PTPRZ1: variants seen among roughly 807,000 people sequenced by gnomAD.
PTPRZ1 encodes receptor-type tyrosine-protein phosphatase zeta.
PTPRZ1 carries 82 observed loss-of-function variants against 214.1 expected under a neutral mutation model. That is an observed-to-expected ratio of 0.38 (90% CI 0.32 to 0.46). PTPRZ1 has a LOEUF of 0.46. Among genes scored for constraint, PTPRZ1 ranks in the 20% least tolerant of loss-of-function variants. PTPRZ1 has a pLI of 1.00. For missense variants in PTPRZ1, 2,603 were observed against 2,748.7 expected (o/e 0.95, Z 1.19); for synonymous variants, 945 against 987.9 (o/e 0.96, Z 0.81).
chr7:122,021,093 C>G (rs1186139897), intron 13 of PTPRZ1, among the ~76,000 whole-genome samples: 1 of 152,038 alleles, frequency 6.6e-6, no homozygotes, highest in East Asian at 1.9e-4. Context: ...ACCAATTCTG[C>G]TTCATAGTAA....
At chr7:121,965,194 G>A (rs1015422475) in intron 2 of PTPRZ1, among the ~76,000 whole-genome samples, 6 of 152,164 alleles carry the variant, frequency 3.9e-5, no homozygotes, top group African/African-American at 1.4e-4. Flanking sequence ...AGCTGAGGAG[G>A]AAGGGCTGCT....
intron 2 of PTPRZ1, among the ~76,000 whole-genome samples, chr7:121,929,603 C>T (rs778984135): frequency 1.5e-4 from 22 of 150,538 alleles, no homozygotes; most frequent in African/African-American, 3.2e-4. Flanking sequence ...GTCAGGAGTT[C>T]GAGATCAGCC....
chr7:122,000,146 C>G (rs181746017), intron 10 of PTPRZ1, among the ~76,000 whole-genome samples: 21 of 152,214 alleles, frequency 1.4e-4, no homozygotes, highest in Admixed American at 1.0e-3. Flanking sequence ...ATTCCTGCAT[C>G]AAAAACCTGT....
intron 10 of PTPRZ1, among the ~76,000 whole-genome samples, chr7:121,999,252 T>C (rs986075539): frequency 4.6e-5 from 7 of 152,238 alleles, no homozygotes; most frequent in African/African-American, 1.7e-4. Flanking sequence ...TCTTTCTTAT[T>C]GCCTTTATTT....
chr7:121,895,541 G>A (rs916125739), intron 1 of PTPRZ1, among the ~76,000 whole-genome samples: 5 of 152,054 alleles, frequency 3.3e-5, no homozygotes, highest in Non-Finnish European at 5.9e-5. Flanking sequence ...AGAAAGTAAA[G>A]ATTTTGTTTA....
At chr7:121,894,142 C>T (rs1794719185) in intron 1 of PTPRZ1, among the ~76,000 whole-genome samples, 1 of 152,122 alleles carries the variant, frequency 6.6e-6, no homozygotes, top group African/African-American at 2.4e-5. Context: ...TGTTGATTCA[C>T]ATTGTCAAAC....
At chr7:122,040,777 TGTG>T in intron 20 of PTPRZ1, 36 bp from the exon 21 acceptor site, 1 of 1,220,058 alleles carries the variant, frequency 8.2e-7, no homozygotes, top group South Asian at 1.5e-5. Flanking sequence ...TGTGTGTGTG[TGTG>T]TGTTTGACTG....
At chr7:121,930,170 T>G (rs1487914139) in intron 2 of PTPRZ1, among the ~76,000 whole-genome samples, 1 of 152,108 alleles carries the variant, frequency 6.6e-6, no homozygotes, top group Non-Finnish European at 1.5e-5. Context: ...TTAAGGCACA[T>G]CTCGACTGTG....
At chr7:122,034,141 C>G in intron 16 of PTPRZ1, 26 bp downstream of exon 16, 2 of 1,587,930 alleles carry the variant, frequency 1.3e-6, no homozygotes, top group Non-Finnish European at 1.7e-6. Flanking sequence ...ACTGCATTTT[C>G]TTTTAGCCAA....
Position 122,012,432 on chromosome 7 carries a change from A to C in PTPRZ1, c.3386A>C (p.His1129Pro), listed in dbSNP as rs76020339. The C allele has an allele frequency of 1.3e-4, 210 of 1,613,796 alleles. No homozygotes were observed. The East Asian group carries it at 4.2e-3, about 32-fold the overall frequency. The change falls in exon 12 of 30, where the codon CAT becomes CCT. Residue 1129 changes from histidine (H) to proline (P), a missense_variant. His to Pro is a moderately conservative substitution (Grantham distance 77). This residue lies in a region of PTPRZ1 where 1,913 missense variants were observed against 1,914.3 expected (regional missense o/e 1.00). Transcript: ENST00000393386. ...PENNFSVQPT[H>P]TVSQASGDTS... is the part of the protein sequence containing the mutation. ...AATAACTTTTCAGTTCAACCTACAC[A>C]TACTGTCTCTCAAGCATCTGGTGAC...
intron 1 of PTPRZ1, among the ~76,000 whole-genome samples, chr7:121,911,584 C>T (rs1005764960): frequency 6.6e-6 from 1 of 152,026 alleles, no homozygotes; most frequent in Non-Finnish European, 1.5e-5. Context: ...TTGCCACTGT[C>T]TCTGATTCTT....
intron 15 of PTPRZ1, among the ~76,000 whole-genome samples, chr7:122,033,243 C>T (rs998483098): frequency 3.3e-5 from 5 of 151,970 alleles, no homozygotes; most frequent in African/African-American, 9.7e-5. Context: ...GTGGTTCTTA[C>T]ATCAAATTGC....
chr7:121,928,705 T>C (rs1795838894), intron 2 of PTPRZ1, among the ~76,000 whole-genome samples: 1 of 152,238 alleles, frequency 6.6e-6, no homozygotes, highest in African/African-American at 2.4e-5. Context: ...AGGGGCATTC[T>C]TCTGAATTAC....
At chr7:122,041,316 A>ATAGAAAT (rs1216243060) in intron 21 of PTPRZ1, among the ~76,000 whole-genome samples, 1 of 148,014 alleles carries the variant, frequency 6.8e-6, no homozygotes, top group Non-Finnish European at 1.5e-5. Context: ...CATGGGATAA[A>ATAGAAAT]AATGCTTGAG....
At chr7:121,995,287 A>G (rs1281929533) in intron 8 of PTPRZ1, among the ~76,000 whole-genome samples, 2 of 152,222 alleles carry the variant, frequency 1.3e-5, no homozygotes, top group Non-Finnish European at 2.9e-5. Context: ...AGTCTACTGC[A>G]TGCTCTCATT....
chr7:122,003,120 T>C (rs1337848012), intron 10 of PTPRZ1, among the ~76,000 whole-genome samples: 3 of 152,178 alleles, frequency 2.0e-5, no homozygotes, highest in East Asian at 3.8e-4. Context: ...GAAATCACTT[T>C]AGTTTGGAAA....
intron 1 of PTPRZ1, among the ~76,000 whole-genome samples, chr7:121,900,084 T>C (rs1794913792): frequency 6.6e-6 from 1 of 152,118 alleles, no homozygotes; most frequent in Non-Finnish European, 1.5e-5. Flanking sequence ...AGAATAGGTA[T>C]TGAAACCTGA....
At chr7:121,895,461 A>G (rs781275144) in intron 1 of PTPRZ1, among the ~76,000 whole-genome samples, 26 of 152,354 alleles carry the variant, frequency 1.7e-4, no homozygotes, top group Admixed American at 8.5e-4. Flanking sequence ...AAAAATAGCA[A>G]TGCCCTTTTT....
intron 2 of PTPRZ1, among the ~76,000 whole-genome samples, chr7:121,938,555 T>A (rs1279096497): frequency 6.6e-6 from 1 of 152,046 alleles, no homozygotes; most frequent in Non-Finnish European, 1.5e-5. Context: ...ATTGGGAGAG[T>A]GGAGCACCAT....
Sources: allele counts gnomAD v4.1 joint callset (sites outside exome capture counted in the v4.1 genomes callset), GRCh38; gene constraint gnomAD v4.1.1; regional missense constraint gnomAD v4.1.1; transcripts MANE v1.5; gene names NCBI Gene and HGNC (gene_info 2026-07-23, HGNC 2026-07-21).